ADCY8: variants seen among roughly 807,000 people sequenced by gnomAD.
ADCY8 encodes adenylate cyclase type 8.
ADCY8 carries 51 observed loss-of-function variants against 119.7 expected under a neutral mutation model. That is an observed-to-expected ratio of 0.43 (90% CI 0.34 to 0.54). The LOEUF (loss-of-function observed/expected upper bound fraction) is 0.54, where lower values mean the gene tolerates loss of function less well. Ranked by LOEUF, ADCY8 falls within the 20% of genes least tolerant of loss-of-function variation. The probability of loss-of-function intolerance (pLI) is 0.03; values close to 1 mark genes in which losing one functional copy is unlikely to be tolerated. For missense variants in ADCY8, 1,383 were observed against 1,598.8 expected, an observed-to-expected ratio of 0.87 and a Z score of 2.30; for synonymous variants, 665 against 651.0, an observed-to-expected ratio of 1.02 and a Z score of -0.33.
intron 12 of ADCY8, among the ~76,000 whole-genome samples, chr8:130,822,421 A>G (rs1454953959): frequency 2.6e-5 from 4 of 152,194 alleles, no homozygotes; most frequent in South Asian, 4.1e-4. Flanking sequence ...AGAGCTGTCC[A>G]CTGTGAGTGC....
intron 1 of ADCY8, among the ~76,000 whole-genome samples, chr8:131,026,885 C>A (rs1439776335): frequency 6.6e-6 from 1 of 152,200 alleles, no homozygotes; most frequent in East Asian, 1.9e-4. Flanking sequence ...CAACAACCTC[C>A]TGAGCTATTA....
intron 2 of ADCY8, among the ~76,000 whole-genome samples, chr8:130,963,113 CT>C (rs764620332): frequency 0.024 from 3,094 of 130,302 alleles, 85 homozygotes; most frequent in African/African-American, 0.074. Flanking sequence ...GTTTTTCTTT[CT>C]TTTTTTTTTT....
chr8:131,031,159 A>G (rs1823985164), intron 1 of ADCY8, among the ~76,000 whole-genome samples: 4 of 152,074 alleles, frequency 2.6e-5, no homozygotes, highest in African/African-American at 9.7e-5. Context: ...AGATCACTAT[A>G]TAGGAATCTC....
chr8:130,862,082 T>C (rs1331255628), intron 9 of ADCY8, among the ~76,000 whole-genome samples: 1 of 152,188 alleles, frequency 6.6e-6, no homozygotes, highest in Non-Finnish European at 1.5e-5. Context: ...CATTTGCTAA[T>C]ATTTTGTTGA....
intron 5 of ADCY8, 102 bp from the exon 6 acceptor site, chr8:130,909,968 T>C (rs28416041): frequency 0.74 from 838,255 of 1,132,840 alleles, 313,135 homozygotes; most frequent in African/African-American, 0.95. Context: ...GACGGAGTTT[T>C]GCTCTGTCGC....
intron 14 of ADCY8, among the ~76,000 whole-genome samples, chr8:130,801,439 A>G (rs1395238464): frequency 1.3e-5 from 2 of 152,078 alleles, no homozygotes; most frequent in Non-Finnish European, 1.5e-5. Context: ...CTGAAGGTCA[A>G]TACTTCTACC....
chr8:130,932,970 T>C (rs1336599630), intron 5 of ADCY8, among the ~76,000 whole-genome samples: 1 of 152,204 alleles, frequency 6.6e-6, no homozygotes, highest in Non-Finnish European at 1.5e-5. Flanking sequence ...AGGAAATTAT[T>C]GGAGTTGTTA....
At chr8:131,002,311 G>A (rs568891419) in intron 1 of ADCY8, among the ~76,000 whole-genome samples, 2 of 152,330 alleles carry the variant, frequency 1.3e-5, no homozygotes, top group South Asian at 2.1e-4. Context: ...ACCCACTGAA[G>A]GGATTTAACA....
intron 1 of ADCY8, among the ~76,000 whole-genome samples, chr8:131,001,916 T>C (rs1341258155): frequency 6.6e-6 from 1 of 152,168 alleles, no homozygotes; most frequent in Non-Finnish European, 1.5e-5. Flanking sequence ...GAGGGGGTGC[T>C]TAGGGATCAG....
At chr8:130,825,022 G>A (rs1024070896) in intron 12 of ADCY8, among the ~76,000 whole-genome samples, 1 of 152,084 alleles carries the variant, frequency 6.6e-6, no homozygotes, top group Non-Finnish European at 1.5e-5. Flanking sequence ...ATCCTTTTGT[G>A]CATCCCAAAA....
chr8:130,971,188 G>A (rs1406931748), intron 2 of ADCY8, among the ~76,000 whole-genome samples: 1 of 152,176 alleles, frequency 6.6e-6, no homozygotes, highest in African/African-American at 2.4e-5. Flanking sequence ...TCATTGTCAT[G>A]TTAATTATTG....
In ADCY8 at chr8:130,783,673, C is replaced by G; in HGVS notation, c.3268+18G>C. 6.3e-7 allele frequency: 1 copy of G among 1,590,988 alleles called. No individual in the cohort carries two copies. Among genetic ancestry groups the G allele is most frequent in the Non-Finnish European group, 8.6e-7 (1 of 1,161,848 alleles). ...GGTCAGCTGGCTCTATCAGGCCCCA[C>G]CTGCAGCTGCTACTCACCAATCCGG... On this transcript the variant is annotated intron_variant, in intron 17 of 17. Transcript: ENST00000286355.
chr8:131,011,411 C>T (rs1377036143), intron 1 of ADCY8, among the ~76,000 whole-genome samples: 3 of 152,122 alleles, frequency 2.0e-5, no homozygotes, highest in Non-Finnish European at 2.9e-5. Flanking sequence ...ATCTAGAGTG[C>T]TTTATGGATG....
intron 5 of ADCY8, among the ~76,000 whole-genome samples, chr8:130,935,836 G>C (rs547435033): frequency 6.6e-6 from 1 of 152,286 alleles, no homozygotes; most frequent in East Asian, 1.9e-4. Context: ...TTTTACTGCA[G>C]GTGGGAAAAC....
intron 7 of ADCY8, among the ~76,000 whole-genome samples, chr8:130,896,870 G>A (rs1819408527): frequency 6.6e-6 from 1 of 152,122 alleles, no homozygotes; most frequent in South Asian, 2.1e-4. Flanking sequence ...ATTCTGAAGT[G>A]TATGTGGCTC....
At chr8:130,913,957 A>AT (rs1167780634) in intron 5 of ADCY8, among the ~76,000 whole-genome samples, 1 of 152,224 alleles carries the variant, frequency 6.6e-6, no homozygotes, top group African/African-American at 2.4e-5. Flanking sequence ...CATCGATAAA[A>AT]TGTTAATAAC....
chr8:130,813,129 A>G (rs1232803981), intron 14 of ADCY8, among the ~76,000 whole-genome samples: 1 of 152,070 alleles, frequency 6.6e-6, no homozygotes, highest in Non-Finnish European at 1.5e-5. Flanking sequence ...TGTAATTTTT[A>G]GTAGAGACGG....
chr8:130,852,578 T>C lies in ADCY8; in HGVS notation c.2211-2775A>G, dbSNP rs377353901. Reference sequence around the variant, plus strand: ...AAACCAACGAGTATAAAAATGTCTCTTTTCAAAGTGTGAGACAGAAGCAAA... The same window carrying C: ...AAACCAACGAGTATAAAAATGTCTCCTTTCAAAGTGTGAGACAGAAGCAAA... On this transcript the variant is annotated intron_variant, in intron 9 of 17. Transcript: ENST00000286355. Among the ~76,000 whole-genome samples the C allele has an allele frequency of 3.9e-5, 6 of 152,294 alleles. No individual in the cohort carries two copies. The East Asian group carries it at 1.2e-3, about 29-fold the overall frequency.
At chr8:130,921,663 G>A (rs1332824108) in intron 5 of ADCY8, among the ~76,000 whole-genome samples, 1 of 151,984 alleles carries the variant, frequency 6.6e-6, no homozygotes, top group Admixed American at 6.6e-5. Flanking sequence ...ATGTTGGTCA[G>A]ACTGGTCTCG....
Sources: gnomAD v4.1 joint callset for allele counts (sites outside exome capture counted in the v4.1 genomes callset) on GRCh38, gnomAD v4.1.1 for gene constraint, MANE v1.5 for transcripts, NCBI Gene and HGNC (gene_info 2026-07-23, HGNC 2026-07-21) for gene names.